The following RAF1 variants were observed in gnomAD, a reference collection of about 807,000 sequenced individuals.
RAF1 encodes Raf-1 proto-oncogene, serine/threonine kinase.
RAF1 carries 27 observed loss-of-function variants against 81.1 expected under a neutral mutation model. The ratio of observed to expected loss-of-function variants is 0.33; its 90% CI spans 0.25 to 0.46. The LOEUF is 0.46. Among genes scored for constraint, RAF1 ranks in the 20% least tolerant of loss-of-function variants. The pLI, the probability that RAF1 is intolerant of heterozygous loss-of-function variation, is 1.00. For missense variants in RAF1, 598 were observed against 826.0 expected, an observed-to-expected ratio of 0.72 and a Z score of 3.38; for synonymous variants, 298 against 294.0, an observed-to-expected ratio of 1.01 and a Z score of -0.14.
At chr3:12,632,166 A>T (rs757309523) in intron 1 of RAF1, among the ~76,000 whole-genome samples, 2 of 152,106 alleles carry the variant, frequency 1.3e-5, no homozygotes, top group African/African-American at 2.4e-5. Context: ...TCTACTAAAA[A>T]TACAGAAATT....
intron 1 of RAF1, among the ~76,000 whole-genome samples, chr3:12,642,996 T>C (rs17037075): frequency 0.019 from 2,895 of 152,158 alleles, 89 homozygotes; most frequent in African/African-American, 0.066. Flanking sequence ...TGGAAAGCTA[T>C]GAAGAAAGAG....
chr3:12,600,234 G>T lies in RAF1; in HGVS notation c.968C>A (p.Thr323Lys). Reference sequence around the variant, plus strand: ...GGGGGTTTTCGGCTGTGACCAGCCTGTTGGGCTCAGATTGTTGGGGCTACT... The same window carrying T: ...GGGGGTTTTCGGCTGTGACCAGCCTTTTGGGCTCAGATTGTTGGGGCTACT... Residue 323 changes from threonine (T) to lysine (K), a missense_variant, in exon 10 of 18, where the codon ACA (threonine) becomes AAA (lysine). Physicochemically the swap from Thr to Lys is moderately conservative, Grantham distance 78. Transcript: ENST00000442415. 1 of 1,614,192 alleles carries T rather than the reference G, an allele frequency of 6.2e-7. No homozygotes were observed. The highest frequency in any genetic ancestry group is 8.5e-7 in the Non-Finnish European group (1 of 1,180,054).
intron 1 of RAF1, among the ~76,000 whole-genome samples, chr3:12,642,874 AAG>A (rs1248731443): frequency 6.6e-6 from 1 of 151,520 alleles, no homozygotes; most frequent in African/African-American, 2.4e-5. Flanking sequence ...GTGATACAGC[AAG>A]ACTCTGTCTC....
At position 12,618,702 on chromosome 3, in the gene RAF1, G is replaced by C. The variant is rs200365094; in HGVS notation, c.20C>G (p.Ala7Gly). Reference sequence around the variant, plus strand: ...AAAACCATTGCTGATCGTCTTCCAAGCTCCCTGTATGTGCTCCATTGATGC... The same window carrying C: ...AAAACCATTGCTGATCGTCTTCCAACCTCCCTGTATGTGCTCCATTGATGC... Residue 7 changes from alanine (A) to glycine (G), a missense_variant, in exon 2 of 18, where the codon GCT becomes GGT. Physicochemically the swap from Ala to Gly is moderately conservative, Grantham distance 60. This residue lies in a region of RAF1 where 83 missense variants were observed against 72.3 expected (regional missense o/e 1.15). Transcript: ENST00000442415. 6 of 1,614,160 alleles carry C rather than the reference G, an allele frequency of 3.7e-6. No homozygotes were observed. Among genetic ancestry groups the C allele is most frequent in the Non-Finnish European group, 5.1e-6 (6 of 1,180,034 alleles).
intron 1 of RAF1, among the ~76,000 whole-genome samples, chr3:12,637,977 C>T (rs143575726): frequency 1.3e-5 from 2 of 152,262 alleles, no homozygotes; most frequent in East Asian, 1.9e-4. Flanking sequence ...TGGCCTGGCC[C>T]GTTACCCATC....
At position 12,583,775 on chromosome 3, in the gene RAF1, G is replaced by GTTTGTTTGT. The variant is rs1559395757; in HGVS notation, c.*730_*738dup. On this transcript the variant is annotated 3_prime_UTR_variant, in exon 18 of 18. Coordinates refer to ENST00000442415, the MANE Select transcript of RAF1 (RefSeq NM_001354689.3). Reference sequence around the variant, plus strand: ...ACTAGAGAAACAAGGCTGTTTGTTTGTTTGTTTGTTAGAGAAACAAGGCTG... The same window carrying GTTTGTTTGT: ...ACTAGAGAAACAAGGCTGTTTGTTTGTTTGTTTGTTTTGTTTGTTAGAGAAACAAGGCTG... The GTTTGTTTGT allele has an allele frequency of 4.3e-6, 1 of 233,166 alleles. No homozygotes were observed. Among genetic ancestry groups the GTTTGTTTGT allele is most frequent in the Non-Finnish European group, 8.5e-6 (1 of 118,114 alleles). The allele number at this position is 233,166 out of a possible 1,614,324, so 14.4% of individuals were successfully genotyped here.
At chr3:12,655,958 C>T (rs762996553) in intron 1 of RAF1, among the ~76,000 whole-genome samples, 24 of 151,454 alleles carry the variant, frequency 1.6e-4, no homozygotes, top group Non-Finnish European at 3.1e-4. Flanking sequence ...AGTACTGTTT[C>T]TGTTTGAGGT....
chr3:12,604,647 TG>T (rs1201605193), intron 6 of RAF1, among the ~76,000 whole-genome samples: 5 of 152,210 alleles, frequency 3.3e-5, no homozygotes, highest in Non-Finnish European at 5.9e-5. Context: ...TTAAGCTAGT[TG>T]GAACACGCCC....
chr3:12,618,330 G>A (rs1366210326), intron 2 of RAF1, among the ~76,000 whole-genome samples, 185 bp downstream of exon 2: 2 of 151,352 alleles, frequency 1.3e-5, no homozygotes, highest in African/African-American at 4.9e-5. Flanking sequence ...AAGGCCAAGA[G>A]GTAGGAAAAA....
At chr3:12,605,930 G>A (rs976597137) in intron 6 of RAF1, among the ~76,000 whole-genome samples, 3 of 152,154 alleles carry the variant, frequency 2.0e-5, no homozygotes, top group African/African-American at 7.2e-5. Context: ...AGAATCTCAA[G>A]CTCTTTAAAA....
chr3:12,613,420 TC>T (rs1316571977), intron 2 of RAF1, among the ~76,000 whole-genome samples: 6 of 97,566 alleles, frequency 6.1e-5, no homozygotes, highest in Admixed American at 1.0e-4. Context: ...CACCCCGCCA[TC>T]CCCCCCCACA....
intron 5 of RAF1, 29 bp downstream of exon 5, chr3:12,608,737 C>G (rs372769165): frequency 2.4e-5 from 38 of 1,609,078 alleles, no homozygotes; most frequent in South Asian, 1.8e-4. Context: ...TCATCCCTAT[C>G]TTCCTTGGAT....
chr3:12,584,665 A>G lies in RAF1; in HGVS notation c.1864-8T>C, dbSNP rs778334511. 1.2e-6 allele frequency: 2 copies of G among 1,614,090 alleles called. No individual in the cohort carries two copies. The highest frequency in any genetic ancestry group is 1.3e-5 in the African/African-American group (1 of 75,034). ...CTCAATGGAAGACAGGATCTGAAAC[A>G]AAGCCCAAGAATGCTCTCATTAGCT... On this transcript the variant is annotated splice_polypyrimidine_tract_variant and splice_region_variant and intron_variant, in intron 17 of 17. Transcript: ENST00000442415.
chr3:12,593,642 T>C (rs1284059554), intron 11 of RAF1, among the ~76,000 whole-genome samples: 1 of 152,074 alleles, frequency 6.6e-6, no homozygotes, highest in Non-Finnish European at 1.5e-5. Context: ...TGGATCCATA[T>C]GGGACACCAT....
At chr3:12,652,089 A>G (rs2060549690) in intron 1 of RAF1, among the ~76,000 whole-genome samples, 1 of 145,932 alleles carries the variant, frequency 6.9e-6, no homozygotes, top group Admixed American at 6.9e-5. Context: ...GGTGATGAGT[A>G]CCTGTAATCC....
rs2125377884 is a variant in RAF1 at position 12,599,744 on chromosome 3, G to C, written c.1115C>G (p.Ser372Cys). Reference sequence around the variant, plus strand: ...AAAAGAGCCTGACCCAATCCGAGTGGACAGCATCACTTCACTGGCTTCTAT... The same window carrying C: ...AAAAGAGCCTGACCCAATCCGAGTGCACAGCATCACTTCACTGGCTTCTAT... Residue 372 changes from serine (S) to cysteine (C), a missense_variant, in exon 11 of 18, where the codon TCC (serine) becomes TGC (cysteine). By Grantham distance (112) the Ser-to-Cys change is moderately radical (BLOSUM62 -1). Coordinates refer to ENST00000442415, the MANE Select transcript of RAF1 (RefSeq NM_001354689.3). The C allele has an allele frequency of 6.2e-7, 1 of 1,614,116 alleles. No homozygotes were observed. The highest frequency in any genetic ancestry group is 8.5e-7 in the Non-Finnish European group (1 of 1,180,030).
chr3:12,642,160 T>C lies in RAF1; in HGVS notation c.-27+21653A>G, dbSNP rs560541202. ...CAAAACTCTGTCTCAAAAAAATCAA[T>C]TAATTTAGGCTGGGCGCAGTGGCTC... On this transcript the variant is annotated intron_variant, in intron 1 of 17. Transcript: ENST00000442415. 7.0e-5 allele frequency among the ~76,000 whole-genome samples: 10 copies of C among 142,310 alleles called. No homozygotes were observed. The East Asian group carries it at 2.2e-3, about 31-fold the overall frequency. 93.4% of individuals were successfully genotyped at this position (142,310 alleles called of 152,430 possible). A position where few individuals can be genotyped will look rare whatever the true frequency, so the allele number is the denominator to read the frequency against.
Position 12,587,603 on chromosome 3 carries a change from T to C in RAF1, c.1465A>G (p.Met489Val). Reference sequence around the variant, plus strand: ...AACCAAAGGATACTGTTGGATTTCATGTCTCTATGGATGATGTTCTTTGCA... The same window carrying C: ...AACCAAAGGATACTGTTGGATTTCACGTCTCTATGGATGATGTTCTTTGCA... The change falls in exon 14 of 18, where the codon ATG (methionine) becomes GTG (valine). Residue 489 changes from methionine (M) to valine (V), a missense_variant. Transcript: ENST00000442415. The C allele has an allele frequency of 6.2e-7, 1 of 1,610,254 alleles. No individual in the cohort carries two copies. Among genetic ancestry groups the C allele is most frequent in the Middle Eastern group, 1.7e-4 (1 of 6,060 alleles).
chr3:12,615,005 A>G (rs2059331462), intron 2 of RAF1, among the ~76,000 whole-genome samples: 1 of 152,246 alleles, frequency 6.6e-6, no homozygotes, highest in South Asian at 2.1e-4. Flanking sequence ...AGTTCTTTAA[A>G]TATCATCTAA....
Sources: gnomAD v4.1 joint callset for allele counts (sites outside exome capture counted in the v4.1 genomes callset) on GRCh38, gnomAD v4.1.1 for gene constraint, gnomAD v4.1.1 regional missense constraint, MANE v1.5 for transcripts, NCBI Gene and HGNC (gene_info 2026-07-23, HGNC 2026-07-21) for gene names.